NEGR1: variants seen among roughly 807,000 people sequenced by gnomAD.
NEGR1 encodes the protein IgLON family member 4.
Under a neutral mutation model 40.9 loss-of-function variants are expected in NEGR1, and 10 were observed. The observed-to-expected ratio is 0.24, with a 90% confidence interval of 0.15 to 0.42. The LOEUF (loss-of-function observed/expected upper bound fraction) is 0.42. Among genes scored for constraint, NEGR1 ranks in the 10% least tolerant of loss-of-function variants. The pLI, the probability that NEGR1 is intolerant of heterozygous loss-of-function variation, is 1.00. For missense variants in NEGR1, 352 were observed against 438.9 expected, an observed-to-expected ratio of 0.80 and a Z score of 1.77; for synonymous variants, 185 against 166.8, an observed-to-expected ratio of 1.11 and a Z score of -0.84.
intron 1 of NEGR1, among the ~76,000 whole-genome samples, chr1:72,001,790 C>T (rs958646102): frequency 5.3e-5 from 8 of 151,662 alleles, no homozygotes; most frequent in African/African-American, 1.9e-4. Context: ...ATTGCCAATA[C>T]AATGTGCTAA....
intron 4 of NEGR1, among the ~76,000 whole-genome samples, chr1:71,652,976 C>T (rs1005488709): frequency 2.6e-5 from 4 of 152,114 alleles, no homozygotes; most frequent in Non-Finnish European, 5.9e-5. Flanking sequence ...TTGAAATCAT[C>T]TTGTCAGACA....
intron 1 of NEGR1, among the ~76,000 whole-genome samples, chr1:72,266,722 TAAACACACAC>T (rs1183590425): frequency 1.1e-4 from 7 of 60,956 alleles, no homozygotes; most frequent in Admixed American, 3.3e-4. Flanking sequence ...TATAGACAGA[TAAACACACAC>T]ACACACACAC....
intron 1 of NEGR1, among the ~76,000 whole-genome samples, chr1:72,133,001 AAAT>A (rs1650315502): frequency 6.6e-6 from 1 of 152,076 alleles, no homozygotes. Flanking sequence ...TTTTCTGAAA[AAAT>A]AATAAGACAT....
intron 1 of NEGR1, among the ~76,000 whole-genome samples, chr1:72,092,499 A>T (rs1648538067): frequency 6.6e-6 from 1 of 152,024 alleles, no homozygotes; most frequent in Non-Finnish European, 1.5e-5. Flanking sequence ...TTGCCCTGTG[A>T]TTTTCACTTA....
At chr1:71,975,443 T>A (rs1006648557) in intron 1 of NEGR1, among the ~76,000 whole-genome samples, 1 of 152,156 alleles carries the variant, frequency 6.6e-6, no homozygotes, top group African/African-American at 2.4e-5. Context: ...AGGAGGAGAA[T>A]TATGGACTCA....
At chr1:71,910,042 C>T (rs1661381654) in intron 2 of NEGR1, among the ~76,000 whole-genome samples, 1 of 152,118 alleles carries the variant, frequency 6.6e-6, no homozygotes, top group African/African-American at 2.4e-5. Flanking sequence ...TAAGACAGTA[C>T]ATCTTTTTGT....
chr1:71,736,825 G>T (rs1411306354), intron 3 of NEGR1, among the ~76,000 whole-genome samples: 3 of 152,124 alleles, frequency 2.0e-5, no homozygotes, highest in Non-Finnish European at 2.9e-5. Flanking sequence ...TGCAGAAGGA[G>T]AAAAAATGTG....
intron 6 of NEGR1, among the ~76,000 whole-genome samples, chr1:71,563,456 C>T (rs1648523917): frequency 1.3e-5 from 2 of 151,942 alleles, no homozygotes; most frequent in Admixed American, 6.6e-5. Flanking sequence ...ATTTTAATTA[C>T]AGATGAAGCT....
At chr1:72,259,321 T>C (rs1655378271) in intron 1 of NEGR1, among the ~76,000 whole-genome samples, 1 of 152,134 alleles carries the variant, frequency 6.6e-6, no homozygotes, top group Admixed American at 6.5e-5. Flanking sequence ...GGTTAACGGA[T>C]AAGGATAAAT....
intron 6 of NEGR1, among the ~76,000 whole-genome samples, chr1:71,428,892 G>A (rs935373567): frequency 5.3e-5 from 8 of 151,790 alleles, no homozygotes; most frequent in Non-Finnish European, 8.8e-5. Flanking sequence ...TAAGATCCAC[G>A]ATTAAAACAA....
At chr1:71,424,723 G>T (rs1646418737) in intron 6 of NEGR1, among the ~76,000 whole-genome samples, 1 of 152,164 alleles carries the variant, frequency 6.6e-6, no homozygotes, top group Non-Finnish European at 1.5e-5. Flanking sequence ...GTTAAGAAAT[G>T]CAGGTGACTT....
At chr1:72,058,807 T>C (rs1468828405) in intron 1 of NEGR1, among the ~76,000 whole-genome samples, 2 of 151,700 alleles carry the variant, frequency 1.3e-5, no homozygotes, top group Non-Finnish European at 3.0e-5. Context: ...CCTTGAAATA[T>C]ATGAAAAGAA....
chr1:71,633,342 T>C (rs928896848), intron 4 of NEGR1, among the ~76,000 whole-genome samples: 18 of 152,142 alleles, frequency 1.2e-4, no homozygotes, highest in Admixed American at 2.6e-4. Context: ...TTAATGTTTA[T>C]GGTTCTTAAT....
chr1:71,997,211 AT>A (rs1646512642), intron 1 of NEGR1, among the ~76,000 whole-genome samples: 1 of 151,994 alleles, frequency 6.6e-6, no homozygotes, highest in African/African-American at 2.4e-5. Context: ...AATTTCTCCA[AT>A]TCTAGTTAGG....
intron 2 of NEGR1, among the ~76,000 whole-genome samples, chr1:71,885,089 A>G (rs886831310): frequency 6.6e-6 from 1 of 152,166 alleles, no homozygotes; most frequent in African/African-American, 2.4e-5. Flanking sequence ...TTAGTCTGAC[A>G]TCTCCCCACC....
chr1:71,676,363 T>TA (rs1296794714), intron 4 of NEGR1, among the ~76,000 whole-genome samples: 10 of 133,284 alleles, frequency 7.5e-5, no homozygotes, highest in Middle Eastern at 3.7e-3. Flanking sequence ...TATCGTCTGG[T>TA]AAAAAAATGA....
intron 6 of NEGR1, among the ~76,000 whole-genome samples, chr1:71,458,845 T>A (rs115806300): frequency 0.014 from 2,086 of 152,288 alleles, 42 homozygotes; most frequent in African/African-American, 0.048. Flanking sequence ...TGACTTTAAC[T>A]TTTTCTTTAT....
intron 3 of NEGR1, among the ~76,000 whole-genome samples, chr1:71,733,084 T>TTC (rs1654941990): frequency 2.0e-5 from 3 of 151,870 alleles, no homozygotes; most frequent in African/African-American, 7.3e-5. Context: ...TTTTTTTTTT[T>TTC]TTTCCTACAG....
intron 2 of NEGR1, among the ~76,000 whole-genome samples, chr1:71,913,445 A>G (rs1661480225): frequency 6.6e-6 from 1 of 151,962 alleles, no homozygotes; most frequent in Non-Finnish European, 1.5e-5. Flanking sequence ...TTACATTTCT[A>G]CCCTTACTTA....
Sources: allele counts gnomAD v4.1 joint callset (sites outside exome capture counted in the v4.1 genomes callset), GRCh38; gene constraint gnomAD v4.1.1; transcripts MANE v1.5; gene names NCBI Gene and HGNC (gene_info 2026-07-23, HGNC 2026-07-21).